The following CSMD1 variants were observed in gnomAD, a reference collection of about 807,000 sequenced individuals.
CSMD1 encodes CUB and sushi domain-containing protein 1.
In CSMD1, 213 loss-of-function variants were observed where a neutral mutation model predicts 417.5. The observed-to-expected ratio is 0.51, with a 90% confidence interval of 0.46 to 0.57. The LOEUF (loss-of-function observed/expected upper bound fraction) is 0.57. Among genes scored for constraint, CSMD1 ranks in the 20% least tolerant of loss-of-function variants. The probability of loss-of-function intolerance (pLI) is 0.00; values close to 1 mark genes in which losing one functional copy is unlikely to be tolerated. For missense variants in CSMD1, 6,923 were observed against 4,529.7 expected (o/e 1.53, Z -15.17); for synonymous variants, 2,862 against 1,736.8 (o/e 1.65, Z -16.11).
At chr8:3,981,850 T>A (rs1260856140) in intron 5 of CSMD1, among the ~76,000 whole-genome samples, 3 of 152,182 alleles carry the variant, frequency 2.0e-5, no homozygotes, top group Non-Finnish European at 4.4e-5. Flanking sequence ...GTGCACTTGC[T>A]GCAGGGAGTA....
chr8:4,683,406 C>T (rs1420718078), intron 1 of CSMD1, among the ~76,000 whole-genome samples: 2 of 152,138 alleles, frequency 1.3e-5, no homozygotes, highest in East Asian at 3.9e-4. Flanking sequence ...CCTGTCCTTA[C>T]ATTTACACAC....
chr8:4,040,243 C>A (rs1797817314), intron 3 of CSMD1, among the ~76,000 whole-genome samples: 1 of 152,224 alleles, frequency 6.6e-6, no homozygotes, highest in Admixed American at 6.5e-5. Context: ...TTCATTATTT[C>A]TGCCTTATCA....
chr8:3,973,561 T>C (rs1813220781), intron 5 of CSMD1, among the ~76,000 whole-genome samples: 1 of 152,198 alleles, frequency 6.6e-6, no homozygotes, highest in African/African-American at 2.4e-5. Flanking sequence ...TTCTTTCTTG[T>C]CATTCTAGAA....
At chr8:3,545,912 A>G (rs765706487) in intron 10 of CSMD1, among the ~76,000 whole-genome samples, 14 of 152,208 alleles carry the variant, frequency 9.2e-5, no homozygotes, top group Admixed American at 1.3e-4. Context: ...TAGTGAATGC[A>G]TAGTGGGGAA....
chr8:4,690,941 C>A (rs1034692993), intron 1 of CSMD1, among the ~76,000 whole-genome samples: 1 of 152,094 alleles, frequency 6.6e-6, no homozygotes, highest in Non-Finnish European at 1.5e-5. Context: ...GTTGGCCAGG[C>A]TGGTCTTGCT....
chr8:3,224,585 T>C (rs866688253), intron 27 of CSMD1, among the ~76,000 whole-genome samples: 4 of 152,226 alleles, frequency 2.6e-5, no homozygotes, highest in Admixed American at 6.5e-5. Context: ...AGCTGGAGCA[T>C]TACTCTCTGA....
At chr8:3,164,540 T>C (rs1190377756) in intron 37 of CSMD1, among the ~76,000 whole-genome samples, 2 of 152,196 alleles carry the variant, frequency 1.3e-5, no homozygotes, top group African/African-American at 4.8e-5. Context: ...TTAAATCCCA[T>C]CTTTTCTTTC....
At chr8:4,841,332 T>C (rs189578177) in intron 1 of CSMD1, among the ~76,000 whole-genome samples, 3 of 152,320 alleles carry the variant, frequency 2.0e-5, no homozygotes, top group African/African-American at 7.2e-5. Context: ...TTATGCTGGT[T>C]TTGGAACTAC....
intron 3 of CSMD1, among the ~76,000 whole-genome samples, chr8:4,050,788 C>T (rs1488696860): frequency 6.6e-6 from 1 of 151,998 alleles, no homozygotes; most frequent in Non-Finnish European, 1.5e-5. Flanking sequence ...ATTCAGAGTC[C>T]CTGAAACGGT....
chr8:4,724,550 G>A (rs1409775526), intron 1 of CSMD1, among the ~76,000 whole-genome samples: 1 of 151,086 alleles, frequency 6.6e-6, no homozygotes. Flanking sequence ...GTGTGTGTGT[G>A]TGTGTGTGTG....
chr8:4,690,968 C>T (rs1030044910), intron 1 of CSMD1, among the ~76,000 whole-genome samples: 1 of 152,164 alleles, frequency 6.6e-6, no homozygotes, highest in Non-Finnish European at 1.5e-5. Flanking sequence ...AGCTCATGAT[C>T]TGCCTGCCGT....
intron 2 of CSMD1, among the ~76,000 whole-genome samples, chr8:4,521,178 T>C (rs1464549611): frequency 6.6e-6 from 1 of 152,086 alleles, no homozygotes; most frequent in African/African-American, 2.4e-5. Context: ...TAAATAAATA[T>C]ATACATTAAA....
chr8:4,021,666 G>T (rs1162474660), intron 4 of CSMD1, among the ~76,000 whole-genome samples: 1 of 151,974 alleles, frequency 6.6e-6, no homozygotes, highest in Admixed American at 6.6e-5. Context: ...TTCTCTTTTG[G>T]CGCATACCTG....
intron 49 of CSMD1, among the ~76,000 whole-genome samples, chr8:3,082,364 T>C (rs1201853586): frequency 1.3e-5 from 2 of 152,212 alleles, no homozygotes. Flanking sequence ...TCCTATGGGC[T>C]GCTCCTGCCA....
At chr8:4,922,969 A>G (rs1346533504) in intron 1 of CSMD1, among the ~76,000 whole-genome samples, 1 of 152,200 alleles carries the variant, frequency 6.6e-6, no homozygotes, top group Non-Finnish European at 1.5e-5. Context: ...CATCACAGAA[A>G]TACTCACATT....
intron 18 of CSMD1, among the ~76,000 whole-genome samples, chr8:3,385,883 T>A (rs746691152): frequency 2.6e-5 from 4 of 151,958 alleles, no homozygotes; most frequent in Non-Finnish European, 4.4e-5. Context: ...GTATGCATAG[T>A]CCATGTTGCA....
chr8:4,251,016 G>C (rs1167130722), intron 3 of CSMD1, among the ~76,000 whole-genome samples: 7 of 152,152 alleles, frequency 4.6e-5, no homozygotes, highest in African/African-American at 1.7e-4. Context: ...TTAATGACAA[G>C]CATATTTTTA....
chr8:3,917,250 A>G (rs1808893326), intron 5 of CSMD1, among the ~76,000 whole-genome samples: 1 of 152,140 alleles, frequency 6.6e-6, no homozygotes, highest in South Asian at 2.1e-4. Flanking sequence ...ACCCTATGAG[A>G]TGCTGTTGAA....
intron 49 of CSMD1, among the ~76,000 whole-genome samples, chr8:3,085,603 G>C (rs1437353819): frequency 6.6e-6 from 1 of 152,164 alleles, no homozygotes; most frequent in African/African-American, 2.4e-5. Flanking sequence ...AGCCTCATTT[G>C]CAGTGTGCAC....
Sources: gnomAD v4.1 joint callset for allele counts (sites outside exome capture counted in the v4.1 genomes callset) on GRCh38, gnomAD v4.1.1 for gene constraint, MANE v1.5 for transcripts, NCBI Gene and HGNC (gene_info 2026-07-23, HGNC 2026-07-21) for gene names.